The following CD276 variants were observed in gnomAD, a reference collection of about 807,000 sequenced individuals.
CD276 encodes CD276 molecule.
CD276 carries 34 observed loss-of-function variants against 50.0 expected under a neutral mutation model. The observed-to-expected ratio is 0.68, with a 90% CI of 0.52 to 0.91. The LOEUF is 0.91. Among genes scored for constraint, CD276 ranks in the 40% least tolerant of loss-of-function variants. The probability of loss-of-function intolerance (pLI) is 0.00; values close to 1 mark genes in which losing one functional copy is unlikely to be tolerated. For synonymous variants in CD276, 275 were observed against 313.0 expected (o/e 0.88, Z 1.28); for missense variants, 634 against 717.5 (o/e 0.88, Z 1.33).
intron 8 of CD276, 69 bp from the exon 9 acceptor site, chr15:73,711,066 T>C: frequency 6.5e-7 from 1 of 1,545,974 alleles, no homozygotes; most frequent in Non-Finnish European, 8.9e-7. Flanking sequence ...CTCCTCCCTC[T>C]GCCTGACTCC....
At position 73,713,072 on chromosome 15, in the gene CD276, C is replaced by T; in HGVS notation, c.*116C>T. 1 of 926,742 alleles carries T rather than the reference C, an allele frequency of 1.1e-6. No individual in the cohort carries two copies. Among genetic ancestry groups the T allele is most frequent in the Non-Finnish European group, 1.7e-6 (1 of 602,950 alleles). The allele number at this position is 926,742 out of a possible 1,614,324, so 57.4% of individuals were successfully genotyped here. ...GCATCCTGCTCTGACAGGTGGGCTC[C>T]TTCTCCAAAGGATGCGATACACAGA... On this transcript the variant is annotated 3_prime_UTR_variant, in exon 10 of 10. Coordinates refer to ENST00000318443, the MANE Select transcript of CD276 (RefSeq NM_001024736.2).
At chr15:73,699,262 C>T (rs547859470) in intron 1 of CD276, among the ~76,000 whole-genome samples, 16 of 152,354 alleles carry the variant, frequency 1.1e-4, no homozygotes, top group African/African-American at 3.8e-4. Flanking sequence ...AATTGATCTG[C>T]ACACATCCTA....
chr15:73,703,927 C>T lies in CD276; in HGVS notation c.1002C>T (p.Asp334=), dbSNP rs750785608. ...SLRLQRVRVA[D]EGSFTCFVSI... Reference sequence around the variant, plus strand: ...GGCTGCAGCGCGTGCGTGTGGCGGACGAGGGCAGCTTCACCTGCTTCGTGA... The same window carrying T: ...GGCTGCAGCGCGTGCGTGTGGCGGATGAGGGCAGCTTCACCTGCTTCGTGA... The change falls in exon 5 of 10, where the codon GAC becomes GAT. Residue 334 remains aspartate, a synonymous_variant. Coordinates refer to ENST00000318443, the MANE Select transcript of CD276 (RefSeq NM_001024736.2). The T allele has an allele frequency of 1.2e-5, 20 of 1,613,154 alleles. No homozygotes were observed. Among genetic ancestry groups the T allele is most frequent in the East Asian group, 2.2e-5 (1 of 44,896 alleles).
intron 6 of CD276, 86 bp from the exon 7 acceptor site, chr15:73,708,253 C>T (rs1342940946): frequency 3.4e-6 from 5 of 1,482,214 alleles, no homozygotes; most frequent in African/African-American, 1.4e-5. Context: ...GGTGGGAGCC[C>T]CTGTTCACAC....
chr15:73,713,668 T>TC lies in CD276; in HGVS notation c.*718dup. 1.5e-5 allele frequency: 6 copies of TC among 399,436 alleles called. No individual in the cohort carries two copies. Among genetic ancestry groups the TC allele is most frequent in the East Asian group, 1.0e-4 (1 of 9,890 alleles). 24.7% of individuals were successfully genotyped at this position (399,436 alleles called of 1,614,324 possible). A position where few individuals can be genotyped will look rare whatever the true frequency, so the allele number is the denominator to read the frequency against. Reference sequence around the variant, plus strand: ...GTGCACGTGCTGGAACACGTGTGGTTCCCCCCTGGCCCAGCCTCCTCTGCA... The same window carrying TC: ...GTGCACGTGCTGGAACACGTGTGGTTCCCCCCCTGGCCCAGCCTCCTCTGCA... On this transcript the variant is annotated 3_prime_UTR_variant, in exon 10 of 10. Transcript: ENST00000318443.
chr15:73,692,699 A>C (rs901641168), intron 1 of CD276, among the ~76,000 whole-genome samples: 2 of 152,264 alleles, frequency 1.3e-5, no homozygotes, highest in Non-Finnish European at 2.9e-5. Flanking sequence ...ATTTATATGT[A>C]CGATTCTTCA....
rs1161201687 is a variant in CD276, at chr15:73,708,436, G to A, written c.1467G>A (p.Trp489Ter). Residue 489 changes from tryptophan (W) to a stop codon, truncating the protein, a stop_gained, in exon 7 of 10, where the codon TGG (tryptophan) becomes TGA (stop). Transcript: ENST00000318443. LOFTEE classifies it high-confidence loss of function. ...ALLVALAFVCWRKIKQSCEEE... is the reference protein window; with the variant it reads ...ALLVALAFVC ...TGGTGGCCCTGGCTTTCGTGTGCTGGAGAAAGATCAAACAGAGCTGTGAGG... is the reference window on the plus strand; with the variant it reads ...TGGTGGCCCTGGCTTTCGTGTGCTGAAGAAAGATCAAACAGAGCTGTGAGG... 15 of 1,613,894 alleles carry A rather than the reference G, an allele frequency of 9.3e-6. No homozygotes were observed. The highest frequency in any genetic ancestry group is 1.3e-5 in the African/African-American group (1 of 74,926).
chr15:73,690,316 A>G (rs1019395444), intron 1 of CD276, among the ~76,000 whole-genome samples: 4 of 152,260 alleles, frequency 2.6e-5, no homozygotes, highest in Non-Finnish European at 4.4e-5. Flanking sequence ...GACTGGGTGC[A>G]ATGAATGACA....
At chr15:73,703,579 G>T in intron 4 of CD276, 80 bp from the exon 5 acceptor site, 3 of 1,123,664 alleles carry the variant, frequency 2.7e-6, no homozygotes, top group Non-Finnish European at 3.7e-6. Flanking sequence ...ATTGATGGGG[G>T]AAGAGTTTGG....
intron 1 of CD276, among the ~76,000 whole-genome samples, chr15:73,694,696 G>A (rs1900114063): frequency 6.6e-6 from 1 of 152,184 alleles, no homozygotes; most frequent in South Asian, 2.1e-4. Flanking sequence ...GGGAAAGGGA[G>A]GGGAGGGCAT....
At chr15:73,711,837 A>G (rs934769862) in intron 9 of CD276, 7 of 152,622 alleles carry the variant, frequency 4.6e-5, no homozygotes, top group African/African-American at 1.7e-4. Flanking sequence ...TAACCATAGA[A>G]GAGCTGGGCA....
At position 73,704,185 on chromosome 15, in the gene CD276, C is replaced by G; in HGVS notation, c.1082C>G (p.Ser361Trp). ...CCTCTGTCACCTCCAGCTCCCTACT[C>G]GAAGCCCAGCATGACCCTGGAGCCC... is the stretch of plus-strand genomic sequence containing the variant. The part of the protein sequence containing the change: ...AVSLQVAAPY[S>W]KPSMTLEPNK... Residue 361 changes from serine (S) to tryptophan (W), a missense_variant, in exon 6 of 10, where the codon TCG (serine) becomes TGG (tryptophan). Ser to Trp is a radical substitution (Grantham distance 177). Transcript: ENST00000318443. This position sits in a 1 kb window ranked among gnomAD's most constrained non-coding sequence, Gnocchi z 4.1. 6.2e-7 allele frequency: 1 copy of G among 1,611,932 alleles called. No individual in the cohort carries two copies. The highest frequency in any genetic ancestry group is 1.3e-5 in the African/African-American group (1 of 74,996).
At chr15:73,703,202 A>C (rs1900487927) in intron 4 of CD276, 116 bp downstream of exon 4, 5 of 1,200,474 alleles carry the variant, frequency 4.2e-6, no homozygotes, top group East Asian at 2.6e-5. Context: ...TTGCCTCCTA[A>C]TGATAGGGAG....
chr15:73,706,484 G>A (rs1037095077), intron 6 of CD276, among the ~76,000 whole-genome samples: 1 of 152,106 alleles, frequency 6.6e-6, no homozygotes, highest in Non-Finnish European at 1.5e-5. Context: ...AAACTCCTCC[G>A]TGGGTCTGTA....
At chr15:73,686,790 T>A (rs923179213) in intron 1 of CD276, among the ~76,000 whole-genome samples, 2 of 151,918 alleles carry the variant, frequency 1.3e-5, no homozygotes, top group African/African-American at 2.4e-5. Context: ...GGGTTTGGGG[T>A]CTGTGCAGAA....
intron 1 of CD276, among the ~76,000 whole-genome samples, chr15:73,694,873 A>T (rs1900121470): frequency 6.6e-6 from 1 of 152,174 alleles, no homozygotes; most frequent in Admixed American, 6.5e-5. Flanking sequence ...TGCTGGCAGC[A>T]CCTGTAGTCC....
chr15:73,703,787 A>T lies in CD276; in HGVS notation c.862A>T (p.Thr288Ser). Residue 288 changes from threonine (T) to serine (S), a missense_variant, in exon 5 of 10, where the codon ACA becomes TCA. Physicochemically the swap from Thr to Ser is moderately conservative, Grantham distance 58 (BLOSUM62 1). Coordinates refer to ENST00000318443, the MANE Select transcript of CD276 (RefSeq NM_001024736.2). ...LAQLNLIWQL[T>S]DTKQLVHSFT... ...ACAGCTCAACCTCATCTGGCAGCTG[A>T]CAGACACCAAACAGCTGGTGCACAG... The T allele has an allele frequency of 6.2e-7, 1 of 1,613,684 alleles. No individual in the cohort carries two copies. The highest frequency in any genetic ancestry group is 1.3e-5 in the African/African-American group (1 of 75,072).
chr15:73,702,500 C>A lies in CD276; in HGVS notation c.325C>A (p.Leu109Met), dbSNP rs1425447145. ...GGCACAGGGCAACGCATCCCTGAGG[C>A]TGCAGCGCGTGCGTGTGGCGGACGA... ...LLAQGNASLR[L>M]QRVRVADEGS... The change falls in exon 3 of 10, where the codon CTG (leucine) becomes ATG (methionine). Residue 109 changes from leucine to methionine, a missense_variant. Transcript: ENST00000318443. The A allele has an allele frequency of 6.2e-7, 1 of 1,613,466 alleles. No individual in the cohort carries two copies. The highest frequency in any genetic ancestry group is 1.7e-5 in the Admixed American group (1 of 60,018).
chr15:73,703,651 G>A lies in CD276; in HGVS notation c.734-8G>A, dbSNP rs375126467. 6.8e-5 allele frequency: 109 copies of A among 1,598,642 alleles called. No individual in the cohort carries two copies. The East Asian group carries it at 1.1e-3, about 15-fold the overall frequency. Reference sequence around the variant, plus strand: ...CTCACCACCCTGCCCCTCTGACCCCGCCCCCAGGAGCCGTGGAGGTCCAGG... The same window carrying A: ...CTCACCACCCTGCCCCTCTGACCCCACCCCCAGGAGCCGTGGAGGTCCAGG... On this transcript the variant is annotated splice_region_variant and splice_polypyrimidine_tract_variant and intron_variant, in intron 4 of 9. Coordinates refer to ENST00000318443, the MANE Select transcript of CD276 (RefSeq NM_001024736.2).
Sources: gnomAD v4.1 joint callset for allele counts (sites outside exome capture counted in the v4.1 genomes callset) on GRCh38, gnomAD v4.1.1 for gene constraint, Gnocchi (gnomAD v3.1) non-coding constraint, MANE v1.5 for transcripts, NCBI Gene and HGNC (gene_info 2026-07-23, HGNC 2026-07-21) for gene names.